HLCS: variants seen among roughly 807,000 people sequenced by gnomAD.
HLCS encodes the protein holocarboxylase synthetase, also known as biotin--protein ligase.
A neutral mutation model predicts 75.0 loss-of-function variants in HLCS; 53 were observed. That is an observed-to-expected ratio of 0.71 (90% CI 0.57 to 0.89). The LOEUF is 0.89. Ranked by LOEUF, HLCS falls within the 40% of genes least tolerant of loss-of-function variation. The pLI is 0.00. For missense variants in HLCS, 966 were observed against 1,074.0 expected (o/e 0.90, Z 1.41); for synonymous variants, 431 against 428.6 (o/e 1.01, Z -0.07).
chr21:36,750,074 T>A lies in HLCS; in HGVS notation c.*4172A>T, dbSNP rs985159384. ...AGGACGGCCAGGGCTGAGTGTGAAG[T>A]CAGCAGAGCTGTTACTGTGGCAACC... On this transcript the variant is annotated 3_prime_UTR_variant, in exon 11 of 11. Coordinates refer to ENST00000674895, the MANE Select transcript of HLCS (RefSeq NM_001352514.2). Among the ~76,000 whole-genome samples the A allele has an allele frequency of 2.6e-5, 4 of 152,228 alleles. No homozygotes were observed. Among genetic ancestry groups the A allele is most frequent in the Admixed American group, 1.3e-4 (2 of 15,288 alleles).
intron 6 of HLCS, among the ~76,000 whole-genome samples, chr21:36,807,372 T>C (rs555780958): frequency 2.9e-4 from 44 of 152,306 alleles, no homozygotes; most frequent in African/African-American, 1.0e-3. Flanking sequence ...GCATTATTAC[T>C]GTTCATCATT....
chr21:36,988,409 C>T (rs75108180), intron 1 of HLCS, among the ~76,000 whole-genome samples: 128 of 152,306 alleles, frequency 8.4e-4, no homozygotes, highest in Middle Eastern at 3.4e-3. Context: ...GTTTTTTATA[C>T]GTGCATTGTG....
intron 5 of HLCS, among the ~76,000 whole-genome samples, chr21:36,902,914 C>T (rs1321987654): frequency 6.6e-6 from 1 of 152,114 alleles, no homozygotes; most frequent in Non-Finnish European, 1.5e-5. Flanking sequence ...TGAAGGTGTA[C>T]AGAAAGCAGT....
At chr21:36,919,024 T>C (rs1461720447) in intron 5 of HLCS, among the ~76,000 whole-genome samples, 1 of 152,194 alleles carries the variant, frequency 6.6e-6, no homozygotes. Flanking sequence ...ACGGTGGAAT[T>C]GTGATTATGT....
At chr21:36,801,849 G>A (rs1049083376) in intron 6 of HLCS, among the ~76,000 whole-genome samples, 4 of 151,192 alleles carry the variant, frequency 2.6e-5, no homozygotes, top group African/African-American at 9.7e-5. Flanking sequence ...GCCCAAGCTG[G>A]TCTCAAACTC....
chr21:36,814,703 C>A (rs892089881), intron 6 of HLCS, among the ~76,000 whole-genome samples: 1 of 152,192 alleles, frequency 6.6e-6, no homozygotes, highest in African/African-American at 2.4e-5. Context: ...CCTTTACAAA[C>A]TTTAACGTGC....
chr21:36,774,040 T>C (rs2060285485), intron 6 of HLCS, among the ~76,000 whole-genome samples: 1 of 152,180 alleles, frequency 6.6e-6, no homozygotes, highest in African/African-American at 2.4e-5. Context: ...AAGATTGTTT[T>C]TTGAAAGGAA....
chr21:36,771,502 A>G lies in HLCS; in HGVS notation c.1893-4217T>C, dbSNP rs147145375. On this transcript the variant is annotated intron_variant, in intron 6 of 10. Transcript: ENST00000674895. ...CAGGGGCTCAACTGTTCACCACAGCATTACTGATGCAGTGTGAAAAATCAG... is the reference window on the plus strand; with the variant it reads ...CAGGGGCTCAACTGTTCACCACAGCGTTACTGATGCAGTGTGAAAAATCAG... Among the ~76,000 whole-genome samples the G allele has an allele frequency of 8.4e-3, 1,279 of 152,254 alleles. 17 individuals are homozygous for G. The highest frequency in any genetic ancestry group is 0.028 in the African/African-American group (1,172 of 41,534).
At chr21:36,855,090 A>ATAGG (rs1235250123) in intron 6 of HLCS, among the ~76,000 whole-genome samples, 6 of 151,312 alleles carry the variant, frequency 4.0e-5, no homozygotes, top group African/African-American at 1.5e-4. Flanking sequence ...TTTTTTTTGT[A>ATAGG]TAGGTGCATG....
At chr21:36,942,255 C>T (rs1374341849) in intron 2 of HLCS, among the ~76,000 whole-genome samples, 1 of 151,810 alleles carries the variant, frequency 6.6e-6, no homozygotes, top group African/African-American at 2.4e-5. Context: ...GATAGAGAAG[C>T]GTTAAAGACC....
Position 36,876,244 on chromosome 21 carries a change from C to T in HLCS, c.1892+20616G>A, listed in dbSNP as rs531812166. On this transcript the variant is annotated intron_variant, in intron 6 of 10. Coordinates refer to ENST00000674895, the MANE Select transcript of HLCS (RefSeq NM_001352514.2). ...GCTGAATGAGCCCAGCAGGCCCGAACAAAACTCAGGCAAAGGTACCACCAG... is the reference window on the plus strand; with the variant it reads ...GCTGAATGAGCCCAGCAGGCCCGAATAAAACTCAGGCAAAGGTACCACCAG... 1.8e-4 allele frequency among the ~76,000 whole-genome samples: 28 copies of T among 152,258 alleles called. 1 individual carries two copies. The highest frequency in any genetic ancestry group is 5.8e-4 in the African/African-American group (24 of 41,558).
intron 1 of HLCS, among the ~76,000 whole-genome samples, chr21:36,976,425 A>ATT (rs1239754251): frequency 6.7e-5 from 6 of 90,096 alleles, no homozygotes. Flanking sequence ...CACACACAGA[A>ATT]AAATACAAGT....
Position 36,749,420 on chromosome 21 carries a change from C to A in HLCS, c.*4826G>T, listed in dbSNP as rs191663786. 2 of 151,420 alleles carry A rather than the reference C, an allele frequency of 1.3e-5. No individual in the cohort carries two copies. The highest frequency in any genetic ancestry group is 4.9e-5 in the African/African-American group (2 of 41,106). The allele number at this position is 151,420 out of a possible 1,614,324, so 9.4% of individuals were successfully genotyped here. On this transcript the variant is annotated 3_prime_UTR_variant, in exon 11 of 11. Transcript: ENST00000674895. ...ATCGTTCTAAAATCAAGTGCACCTA[C>A]ACCAACTGCTCTCAAAATGTGAACT...
chr21:36,937,387 G>C lies in HLCS; in HGVS notation c.499C>G (p.His167Asp). Reference sequence around the variant, plus strand: ...TCCTTCAGAGTGGAGTCCTGCAAGTGCACCGCTAAGGCATGAATAGGAGAG... The same window carrying C: ...TCCTTCAGAGTGGAGTCCTGCAAGTCCACCGCTAAGGCATGAATAGGAGAG... ...GLVPQKIVSV[H>D]LQDSTLKEVK... Residue 167 changes from histidine to aspartate, a missense_variant, in exon 4 of 11, where the codon CAC becomes GAC. By Grantham distance (81) the His-to-Asp change is moderately conservative (BLOSUM62 -1). Coordinates refer to ENST00000674895, the MANE Select transcript of HLCS (RefSeq NM_001352514.2). 6.2e-7 allele frequency: 1 copy of C among 1,612,856 alleles called. No individual in the cohort carries two copies. The highest frequency in any genetic ancestry group is 8.5e-7 in the Non-Finnish European group (1 of 1,179,386).
At chr21:36,890,857 C>A (rs1601644633) in intron 6 of HLCS, among the ~76,000 whole-genome samples, 1 of 152,220 alleles carries the variant, frequency 6.6e-6, no homozygotes, top group Admixed American at 6.5e-5. Flanking sequence ...GATCCTAAAT[C>A]TGGTAGACCC....
At chr21:36,930,664 T>C (rs925835233) in intron 4 of HLCS, among the ~76,000 whole-genome samples, 1 of 152,106 alleles carries the variant, frequency 6.6e-6, no homozygotes, top group Non-Finnish European at 1.5e-5. Context: ...CTTTACCAGT[T>C]TTCTTCTCCA....
intron 6 of HLCS, among the ~76,000 whole-genome samples, chr21:36,854,114 T>C (rs2835500): frequency 0.28 from 41,948 of 152,056 alleles, 6,824 homozygotes; most frequent in African/African-American, 0.45. Flanking sequence ...GGCATTTAAA[T>C]TCATTGGATA....
At chr21:36,780,194 G>A (rs2060483896) in intron 6 of HLCS, among the ~76,000 whole-genome samples, 1 of 152,150 alleles carries the variant, frequency 6.6e-6, no homozygotes, top group East Asian at 1.9e-4. Flanking sequence ...AGCTGAGGCG[G>A]TGTTGCTAGT....
At chr21:36,860,771 C>G (rs1348781719) in intron 6 of HLCS, among the ~76,000 whole-genome samples, 2 of 152,168 alleles carry the variant, frequency 1.3e-5, no homozygotes, top group Admixed American at 1.3e-4. Flanking sequence ...TGAATGGAAA[C>G]AAGTTTAGGG....
Sources: allele counts gnomAD v4.1 joint callset (sites outside exome capture counted in the v4.1 genomes callset), GRCh38; gene constraint gnomAD v4.1.1; transcripts MANE v1.5; gene names NCBI Gene and HGNC (gene_info 2026-07-23, HGNC 2026-07-21).